Variants in EYA2 observed in about 807,000 individuals in gnomAD.
The protein encoded by EYA2 is protein phosphatase EYA2.
A neutral mutation model predicts 69.2 loss-of-function variants in EYA2; 31 were observed. The observed-to-expected ratio is 0.45, with a 90% CI of 0.34 to 0.60. EYA2 has a LOEUF of 0.60. Among genes scored for constraint, EYA2 ranks in the 20% least tolerant of loss-of-function variants. EYA2 has a pLI of 0.02. For synonymous variants in EYA2, 257 were observed against 279.4 expected, an observed-to-expected ratio of 0.92 and a Z score of 0.80; for missense variants, 622 against 701.2, an observed-to-expected ratio of 0.89 and a Z score of 1.28.
At chr20:47,019,969 T>C (rs1983646446) in intron 5 of EYA2, among the ~76,000 whole-genome samples, 1 of 26,594 alleles carries the variant, frequency 3.8e-5, no homozygotes, top group African/African-American at 7.6e-5. Flanking sequence ...AGACCCTATC[T>C]TTAAAAAAAA....
intron 5 of EYA2, among the ~76,000 whole-genome samples, chr20:47,017,315 T>C (rs1014347593): frequency 6.6e-6 from 1 of 152,160 alleles, no homozygotes; most frequent in African/African-American, 2.4e-5. Context: ...TGATGTGTGA[T>C]TGTACTTTTT....
chr20:47,131,658 C>T (rs1022165229), intron 9 of EYA2, among the ~76,000 whole-genome samples: 5 of 152,130 alleles, frequency 3.3e-5, no homozygotes, highest in Non-Finnish European at 5.9e-5. Context: ...ATTGGAGTGA[C>T]ATGAGGAAGG....
intron 9 of EYA2, among the ~76,000 whole-genome samples, chr20:47,111,969 A>C (rs573315770): frequency 1.3e-3 from 205 of 151,910 alleles, no homozygotes; most frequent in African/African-American, 4.6e-3. Flanking sequence ...ATCTGTACAA[A>C]AAAAAATTTT....
At chr20:47,117,014 T>TTTTTTA (rs397946821) in intron 9 of EYA2, among the ~76,000 whole-genome samples, 3 of 146,754 alleles carry the variant, frequency 2.0e-5, no homozygotes, top group African/African-American at 7.8e-5. Context: ...TTTTTTTTTT[T>TTTTTTA]GAGGCAGAGT....
At chr20:47,135,818 C>CAAAAAAAAAAA (rs1201324879) in intron 9 of EYA2, among the ~76,000 whole-genome samples, 348 of 32,866 alleles carry the variant, frequency 0.011, 6 homozygotes, top group Non-Finnish European at 0.015. Flanking sequence ...CCTGTCTCTA[C>CAAAAAAAAAAA]AAAAAAAAAA....
intron 5 of EYA2, among the ~76,000 whole-genome samples, chr20:47,059,408 G>A (rs2030777415): frequency 6.6e-6 from 1 of 152,228 alleles, no homozygotes; most frequent in African/African-American, 2.4e-5. Context: ...AGGCTGGAGT[G>A]CAGTGGCATG....
At chr20:47,004,788 A>G (rs1982600994) in intron 3 of EYA2, 154 bp from the exon 4 acceptor site, 1 of 993,550 alleles carries the variant, frequency 1.0e-6, no homozygotes, top group Non-Finnish European at 1.5e-6. Flanking sequence ...CTTCCCAGGC[A>G]GAGGAAAATA....
At chr20:47,140,265 TCTTCATTTTTCACTGAGTA>T (rs1437960832) in intron 9 of EYA2, among the ~76,000 whole-genome samples, 3 of 152,162 alleles carry the variant, frequency 2.0e-5, no homozygotes, top group Non-Finnish European at 4.4e-5. Flanking sequence ...CCTCATTTGC[TCTTCATTTTTCACTGAGTA>T]CCCTGCCCCA....
chr20:46,965,755 C>T (rs368830383), intron 1 of EYA2, among the ~76,000 whole-genome samples: 4 of 152,348 alleles, frequency 2.6e-5, no homozygotes, highest in East Asian at 3.9e-4. Context: ...GGCTCCCGTC[C>T]GCCGGGCTGT....
At chr20:47,175,627 G>T (rs6063079) in intron 12 of EYA2, among the ~76,000 whole-genome samples, 48 of 152,048 alleles carry the variant, frequency 3.2e-4, no homozygotes, top group African/African-American at 1.1e-3. Flanking sequence ...TTTGTTATCT[G>T]GGGAAGGTGG....
At chr20:47,029,305 C>T (rs1255589907) in intron 5 of EYA2, among the ~76,000 whole-genome samples, 1 of 152,236 alleles carries the variant, frequency 6.6e-6, no homozygotes, top group African/African-American at 2.4e-5. Flanking sequence ...AACAAGGGCT[C>T]AGCCCATAGA....
chr20:46,985,012 T>C (rs1395641562), intron 1 of EYA2, among the ~76,000 whole-genome samples: 1 of 152,234 alleles, frequency 6.6e-6, no homozygotes, highest in Non-Finnish European at 1.5e-5. Context: ...CAGAGTGAGA[T>C]ATTGTGCACA....
At chr20:47,085,736 A>G (rs1460498660) in intron 7 of EYA2, among the ~76,000 whole-genome samples, 1 of 152,230 alleles carries the variant, frequency 6.6e-6, no homozygotes, top group African/African-American at 2.4e-5. Flanking sequence ...CAAGCCAGAA[A>G]AAAGAATACA....
chr20:47,143,160 C>T lies in EYA2; in HGVS notation c.978+12C>T. 2 of 1,605,128 alleles carry T rather than the reference C, an allele frequency of 1.2e-6. No homozygotes were observed. The highest frequency in any genetic ancestry group is 1.7e-6 in the Non-Finnish European group (2 of 1,175,000). ...TCAATGACCTGGAGGTTTGTGGTTG[C>T]TGATTTCATTTAATATTTGCCATGT... On this transcript the variant is annotated intron_variant, in intron 10 of 15. Transcript: ENST00000327619.
At chr20:47,052,220 GA>G (rs1346841624) in intron 5 of EYA2, among the ~76,000 whole-genome samples, 11 of 152,134 alleles carry the variant, frequency 7.2e-5, no homozygotes, top group Non-Finnish European at 2.9e-5. Flanking sequence ...GCTACTAAAA[GA>G]AAAAGCTTTA....
chr20:46,967,442 G>T (rs1448477831), intron 1 of EYA2, among the ~76,000 whole-genome samples: 1 of 152,220 alleles, frequency 6.6e-6, no homozygotes, highest in Non-Finnish European at 1.5e-5. Context: ...TGATTGACAA[G>T]TTCAGAGTGC....
chr20:47,023,632 G>GGT (rs755649278), intron 5 of EYA2, among the ~76,000 whole-genome samples: 4 of 90,114 alleles, frequency 4.4e-5, no homozygotes, highest in African/African-American at 1.7e-4. Flanking sequence ...GATTTTGGGT[G>GGT]TTTTTTTTTT....
chr20:47,179,238 TTGGG>T (rs2034483615), intron 12 of EYA2, among the ~76,000 whole-genome samples: 1 of 143,598 alleles, frequency 7.0e-6, no homozygotes, highest in African/African-American at 2.5e-5. Context: ...AGATGGGTGG[TTGGG>T]TGGATAGGTG....
intron 1 of EYA2, among the ~76,000 whole-genome samples, chr20:46,974,356 C>T (rs1020658076): frequency 6.6e-6 from 1 of 152,202 alleles, no homozygotes; most frequent in African/African-American, 2.4e-5. Flanking sequence ...TCTCTTCCCC[C>T]AGTAAAAATG....
Sources: gnomAD v4.1 joint callset for allele counts (sites outside exome capture counted in the v4.1 genomes callset) on GRCh38, gnomAD v4.1.1 for gene constraint, MANE v1.5 for transcripts, NCBI Gene and HGNC (gene_info 2026-07-23, HGNC 2026-07-21) for gene names.